The following MYO6 variants were observed in gnomAD, a reference collection of about 807,000 sequenced individuals.
MYO6 encodes the protein unconventional myosin-VI.
In MYO6, 74 loss-of-function variants were observed where a neutral mutation model predicts 178.7. The observed-to-expected ratio is 0.41, with a 90% CI of 0.34 to 0.50. The LOEUF is 0.50. MYO6 is among the 20% of genes least tolerant of loss of function. The probability of loss-of-function intolerance (pLI) is 0.09; values close to 1 mark genes in which losing one functional copy is unlikely to be tolerated. For synonymous variants in MYO6, 477 were observed against 504.6 expected, an observed-to-expected ratio of 0.95 and a Z score of 0.73; for missense variants, 1,330 against 1,547.4, an observed-to-expected ratio of 0.86 and a Z score of 2.36.
At chr6:75,811,405 CT>C (rs1274236397) in intron 1 of MYO6, among the ~76,000 whole-genome samples, 1 of 152,096 alleles carries the variant, frequency 6.6e-6, no homozygotes, top group Non-Finnish European at 1.5e-5. Flanking sequence ...CTGTTTTCTC[CT>C]TTTTGCTTCT....
chr6:75,817,727 A>C, intron 2 of MYO6, 63 bp downstream of exon 2: 2 of 1,388,960 alleles, frequency 1.4e-6, no homozygotes, highest in Non-Finnish European at 2.0e-6. Flanking sequence ...TTTTTTCACA[A>C]GAGTAAGGTC....
chr6:75,887,639 C>CAAAAA (rs71002772), intron 25 of MYO6, among the ~76,000 whole-genome samples: 1 of 107,930 alleles, frequency 9.3e-6, no homozygotes, highest in African/African-American at 3.6e-5. Flanking sequence ...GACTCCATCT[C>CAAAAA]AAAAAAAAAA....
At chr6:75,886,227 C>T in intron 24 of MYO6, 133 bp downstream of exon 24, 1 of 639,168 alleles carries the variant, frequency 1.6e-6, no homozygotes, top group Non-Finnish European at 2.8e-6. Flanking sequence ...ATGTATTAGT[C>T]TTTTATTTGT....
At chr6:75,751,725 A>G (rs1776912461) in intron 1 of MYO6, among the ~76,000 whole-genome samples, 2 of 152,156 alleles carry the variant, frequency 1.3e-5, no homozygotes, top group Admixed American at 6.6e-5. Context: ...TGTTTAGACA[A>G]CTGGGCTGTA....
intron 1 of MYO6, among the ~76,000 whole-genome samples, chr6:75,786,935 G>A (rs967764154): frequency 1.3e-5 from 2 of 152,104 alleles, no homozygotes; most frequent in African/African-American, 2.4e-5. Context: ...GACTGTTTTC[G>A]GAGTTCACAT....
intron 10 of MYO6, among the ~76,000 whole-genome samples, chr6:75,846,215 C>T (rs948257152): frequency 1.3e-5 from 2 of 151,758 alleles, no homozygotes; most frequent in East Asian, 1.9e-4. Context: ...TTAAGTTACA[C>T]GTACTCAAGG....
At chr6:75,848,578 T>A (rs754847557) in intron 11 of MYO6, 47 bp downstream of exon 11, 1 of 1,572,826 alleles carries the variant, frequency 6.4e-7, no homozygotes, top group Admixed American at 1.7e-5. Flanking sequence ...ATAGAATTTC[T>A]GTTATTTATT....
chr6:75,885,866 T>G (rs1778394052), intron 23 of MYO6, 138 bp from the exon 24 acceptor site: 1 of 633,020 alleles, frequency 1.6e-6, no homozygotes, highest in African/African-American at 1.8e-5. Context: ...AACTTTGTTT[T>G]TGATGTCTGA....
At chr6:75,804,553 C>T (rs140720990) in intron 1 of MYO6, among the ~76,000 whole-genome samples, 110 of 151,422 alleles carry the variant, frequency 7.3e-4, no homozygotes, top group African/African-American at 2.5e-3. Flanking sequence ...AGGGATTTTG[C>T]CAATTCTGTT....
At chr6:75,770,063 C>T (rs1382660439) in intron 1 of MYO6, among the ~76,000 whole-genome samples, 1 of 152,178 alleles carries the variant, frequency 6.6e-6, no homozygotes, top group Non-Finnish European at 1.5e-5. Context: ...GCTCAGACCC[C>T]ACATTTCCCT....
At chr6:75,908,128 T>A (rs1463093074) in intron 31 of MYO6, among the ~76,000 whole-genome samples, 3 of 152,180 alleles carry the variant, frequency 2.0e-5, no homozygotes, top group Admixed American at 6.5e-5. Flanking sequence ...TTATAAAAAA[T>A]GTCTTGCTTG....
chr6:75,777,073 T>G (rs1432066954), intron 1 of MYO6, among the ~76,000 whole-genome samples: 1 of 152,224 alleles, frequency 6.6e-6, no homozygotes, highest in South Asian at 2.1e-4. Flanking sequence ...CCTTGGTGTG[T>G]ACTAAGAAAT....
chr6:75,844,521 C>T lies in MYO6; in HGVS notation c.817-376C>T, dbSNP rs570307037. On this transcript the variant is annotated intron_variant, in intron 9 of 34. Coordinates refer to ENST00000369977, the MANE Select transcript of MYO6 (RefSeq NM_004999.4). ...TACTTGAAAAATTAAACCATACTAT[C>T]GGTTCTTACTTGAGATTCTACATAT... 5.3e-5 allele frequency among the ~76,000 whole-genome samples: 8 copies of T among 152,124 alleles called. No individual in the cohort carries two copies. In the South Asian group the frequency reaches 1.0e-3, roughly 20 times the overall value.
At chr6:75,899,141 T>A (rs1203122560) in intron 30 of MYO6, among the ~76,000 whole-genome samples, 1 of 152,182 alleles carries the variant, frequency 6.6e-6, no homozygotes, top group Non-Finnish European at 1.5e-5. Context: ...ATGTACTTCT[T>A]TGGATGCTAT....
intron 1 of MYO6, among the ~76,000 whole-genome samples, chr6:75,808,941 C>T (rs1770388549): frequency 6.6e-6 from 1 of 152,134 alleles, no homozygotes; most frequent in Non-Finnish European, 1.5e-5. Context: ...CTCTGATTAG[C>T]CTTTCACAGA....
chr6:75,798,106 A>G (rs1411069979), intron 1 of MYO6, among the ~76,000 whole-genome samples: 1 of 152,150 alleles, frequency 6.6e-6, no homozygotes, highest in African/African-American at 2.4e-5. Flanking sequence ...AGATTTTTAT[A>G]GTTTGAGGTC....
At chr6:75,781,452 C>T (rs1202120431) in intron 1 of MYO6, among the ~76,000 whole-genome samples, 4 of 152,094 alleles carry the variant, frequency 2.6e-5, no homozygotes, top group Non-Finnish European at 4.4e-5. Flanking sequence ...AGAGGATACC[C>T]TTGGAGAATT....
rs199872345 is a variant in MYO6, at chr6:75,860,552, A to G, written c.1474-471A>G. Among the ~76,000 whole-genome samples the G allele has an allele frequency of 6.0e-4, 91 of 152,338 alleles. 1 individual carries two copies. The East Asian group carries it at 0.016, about 27-fold the overall frequency. ...TTCAAATTGAGTTGTGTTTAAGTGGACAGTGCCTTCTAGAATGTCAGAAAT... is the reference window on the plus strand; with the variant it reads ...TTCAAATTGAGTTGTGTTTAAGTGGGCAGTGCCTTCTAGAATGTCAGAAAT... On this transcript the variant is annotated intron_variant, in intron 14 of 34. Coordinates refer to ENST00000369977, the MANE Select transcript of MYO6 (RefSeq NM_004999.4).
chr6:75,855,037 T>G, intron 11 of MYO6, 102 bp from the exon 12 acceptor site: 3 of 1,049,286 alleles, frequency 2.9e-6, no homozygotes, highest in East Asian at 2.6e-5. Context: ...GCCTTGCCTA[T>G]TATATGGTTT....
Sources: gnomAD v4.1 joint callset for allele counts (sites outside exome capture counted in the v4.1 genomes callset) on GRCh38, gnomAD v4.1.1 for gene constraint, MANE v1.5 for transcripts, NCBI Gene and HGNC (gene_info 2026-07-23, HGNC 2026-07-21) for gene names.